Variants in FAT3 observed in about 807,000 individuals in gnomAD.
FAT3 encodes the protein FAT atypical cadherin 3.
FAT3 carries 95 observed loss-of-function variants against 310.2 expected under a neutral mutation model. That is an observed-to-expected ratio of 0.31 (90% confidence interval 0.26 to 0.36). FAT3 has a LOEUF of 0.36. Among genes scored for constraint, FAT3 ranks in the 10% least tolerant of loss-of-function variants. The probability of loss-of-function intolerance (pLI) is 1.00; values close to 1 mark genes in which losing one functional copy is unlikely to be tolerated. For missense variants in FAT3, 5,408 were observed against 5,715.6 expected, an observed-to-expected ratio of 0.95 and a Z score of 1.74; for synonymous variants, 2,314 against 2,192.9, an observed-to-expected ratio of 1.06 and a Z score of -1.54.
chr11:92,405,759 C>T (rs369318297), intron 2 of FAT3, among the ~76,000 whole-genome samples: 9 of 144,462 alleles, frequency 6.2e-5, no homozygotes, highest in African/African-American at 2.6e-4. Flanking sequence ...CTCACAAGAA[C>T]AACAACAATA....
chr11:92,836,322 G>A (rs1384735022), intron 15 of FAT3, among the ~76,000 whole-genome samples: 1 of 152,108 alleles, frequency 6.6e-6, no homozygotes, highest in Non-Finnish European at 1.5e-5. Context: ...GGCCTAACAG[G>A]CATCAGGCTG....
intron 2 of FAT3, among the ~76,000 whole-genome samples, chr11:92,408,618 T>C (rs1950187771): frequency 6.6e-6 from 1 of 152,230 alleles, no homozygotes; most frequent in Non-Finnish European, 1.5e-5. Context: ...CTTCTTTGCC[T>C]GTTCAGGCTG....
At chr11:92,547,140 G>A (rs183474450) in intron 3 of FAT3, among the ~76,000 whole-genome samples, 36 of 152,270 alleles carry the variant, frequency 2.4e-4, no homozygotes, top group East Asian at 9.7e-4. Flanking sequence ...TGGCTTTGAA[G>A]TTCTGGCTGG....
At chr11:92,436,895 A>G (rs1168009717) in intron 2 of FAT3, among the ~76,000 whole-genome samples, 1 of 152,086 alleles carries the variant, frequency 6.6e-6, no homozygotes, top group Non-Finnish European at 1.5e-5. Context: ...ATACTGATTT[A>G]TTTTACACTT....
At chr11:92,252,266 T>C (rs1322628891) in intron 1 of FAT3, among the ~76,000 whole-genome samples, 1 of 152,156 alleles carries the variant, frequency 6.6e-6, no homozygotes, top group African/African-American at 2.4e-5. Flanking sequence ...CACTAGCTTT[T>C]TGCACAACCC....
intron 22 of FAT3, among the ~76,000 whole-genome samples, chr11:92,876,437 C>A (rs1339521924): frequency 6.6e-6 from 1 of 152,214 alleles, no homozygotes; most frequent in Non-Finnish European, 1.5e-5. Flanking sequence ...AGCAAGCATA[C>A]CTCAGACTTC....
chr11:92,641,971 ATGCACACT>A (rs1181165425), intron 3 of FAT3, among the ~76,000 whole-genome samples: 1 of 152,374 alleles, frequency 6.6e-6, no homozygotes, highest in East Asian at 1.9e-4. Context: ...GGGAGGCACA[ATGCACACT>A]TGTAGAAGCC....
At chr11:92,441,753 G>A (rs1294617041) in intron 2 of FAT3, among the ~76,000 whole-genome samples, 1 of 151,994 alleles carries the variant, frequency 6.6e-6, no homozygotes, top group East Asian at 1.9e-4. Flanking sequence ...AGCCTAAGTG[G>A]ACCTAGGTAA....
chr11:92,451,045 T>TC (rs1265905755), intron 2 of FAT3, among the ~76,000 whole-genome samples: 1 of 152,138 alleles, frequency 6.6e-6, no homozygotes, highest in Non-Finnish European at 1.5e-5. Context: ...TCTTTTTTTT[T>TC]CCCCTCTTTT....
chr11:92,239,893 A>G (rs544321673), intron 1 of FAT3, among the ~76,000 whole-genome samples: 2 of 152,098 alleles, frequency 1.3e-5, no homozygotes, highest in Non-Finnish European at 2.9e-5. Context: ...GTCCAAGGTC[A>G]TTACTAAAAG....
chr11:92,702,408 G>A (rs1023046397), intron 4 of FAT3, among the ~76,000 whole-genome samples: 1 of 152,156 alleles, frequency 6.6e-6, no homozygotes, highest in African/African-American at 2.4e-5. Context: ...AGGCATGCTC[G>A]GCTTCTTTTC....
At chr11:92,466,193 C>G (rs892188665) in intron 2 of FAT3, among the ~76,000 whole-genome samples, 2 of 152,078 alleles carry the variant, frequency 1.3e-5, no homozygotes, top group Admixed American at 1.3e-4. Context: ...AATTTTATTT[C>G]TAGGGATAAT....
chr11:92,501,796 G>C (rs616852), intron 2 of FAT3, among the ~76,000 whole-genome samples: 79,133 of 151,710 alleles, frequency 0.52, 20,921 homozygotes, highest in Middle Eastern at 0.62. Context: ...TTTCTCTCCT[G>C]CCTCTTGGCT....
chr11:92,375,824 C>G (rs1949326948), intron 2 of FAT3, among the ~76,000 whole-genome samples: 1 of 152,062 alleles, frequency 6.6e-6, no homozygotes, highest in Non-Finnish European at 1.5e-5. Flanking sequence ...CTTAGTAGTT[C>G]ACATTTTGTT....
intron 1 of FAT3, among the ~76,000 whole-genome samples, chr11:92,225,419 C>T (rs1270373200): frequency 2.0e-5 from 3 of 152,114 alleles, no homozygotes; most frequent in Admixed American, 6.5e-5. Flanking sequence ...CGGCGGGAGC[C>T]GGGAGGTTTA....
At chr11:92,850,014 A>T (rs946241319) in intron 19 of FAT3, among the ~76,000 whole-genome samples, 4 of 152,200 alleles carry the variant, frequency 2.6e-5, no homozygotes, top group African/African-American at 9.7e-5. Flanking sequence ...TAAGCACTGT[A>T]AAATAAAATG....
At chr11:92,518,441 C>T (rs539775446) in intron 2 of FAT3, among the ~76,000 whole-genome samples, 8 of 152,154 alleles carry the variant, frequency 5.3e-5, no homozygotes, top group Middle Eastern at 3.4e-3. Flanking sequence ...CGTTCTCACT[C>T]ATAAGTGGGA....
intron 3 of FAT3, among the ~76,000 whole-genome samples, chr11:92,650,543 A>G (rs983558355): frequency 2.0e-5 from 3 of 152,200 alleles, no homozygotes; most frequent in African/African-American, 7.2e-5. Flanking sequence ...ACATGCTGAT[A>G]AGAATTGGCT....
In FAT3 at chr11:92,552,234, A is replaced by T. The variant is rs371566427; in HGVS notation, c.3607+27286A>T. Among the ~76,000 whole-genome samples the T allele has an allele frequency of 2.6e-5, 4 of 152,362 alleles. No individual in the cohort carries two copies. The East Asian group carries it at 5.8e-4, about 22-fold the overall frequency. ...CATCAAGCAGTTATTGAATAACAGT[A>T]GAAAATCATGGACAAGTCACTTAAA... is the stretch of plus-strand genomic sequence containing the variant. On this transcript the variant is annotated intron_variant, in intron 3 of 27. Transcript: ENST00000525166.
Sources: gnomAD v4.1 joint callset for allele counts (sites outside exome capture counted in the v4.1 genomes callset) on GRCh38, gnomAD v4.1.1 for gene constraint, MANE v1.5 for transcripts, NCBI Gene and HGNC (gene_info 2026-07-23, HGNC 2026-07-21) for gene names.